Variants in C11orf24 observed in about 807,000 individuals in gnomAD.
C11orf24 encodes the protein uncharacterized protein C11orf24.
In C11orf24, 5 loss-of-function variants were observed where a neutral mutation model predicts 7.3. That is an observed-to-expected ratio of 0.69 (90% confidence interval 0.36 to 1.45). The LOEUF is 1.45. C11orf24 is among the 40% of genes most tolerant of loss of function. The pLI is 0.03. For synonymous variants in C11orf24, 233 were observed against 235.7 expected, an observed-to-expected ratio of 0.99 and a Z score of 0.11; for missense variants, 566 against 590.5, an observed-to-expected ratio of 0.96 and a Z score of 0.43.
intron 1 of C11orf24, 117 bp from the exon 2 acceptor site, chr11:68,268,368 A>G (rs537393644): frequency 6.6e-6 from 1 of 152,376 alleles, no homozygotes; most frequent in Admixed American, 6.5e-5. Flanking sequence ...TGGGAAAACG[A>G]CAACATGGAT....
At chr11:68,269,973 T>C (rs2098567084) in intron 1 of C11orf24, among the ~76,000 whole-genome samples, 1 of 152,168 alleles carries the variant, frequency 6.6e-6, no homozygotes, top group African/African-American at 2.4e-5. Context: ...GGACAAACCA[T>C]TAACAACATT....
chr11:68,270,114 T>TG (rs2098567165), intron 1 of C11orf24, among the ~76,000 whole-genome samples: 1 of 151,828 alleles, frequency 6.6e-6, no homozygotes, highest in Non-Finnish European at 1.5e-5. Context: ...CCATAATAGA[T>TG]GGGAAAAAAG....
In C11orf24 at chr11:68,262,665, C is replaced by T. The variant is rs1433617378; in HGVS notation, c.330G>A (p.Val110=). Residue 110 remains valine, a synonymous_variant, in exon 4 of 4, where the codon GTG becomes GTA. Coordinates refer to ENST00000304271, the MANE Select transcript of C11orf24 (RefSeq NM_022338.4). ...DGVTSIAPTA[V]ASSTTAASIT... ...TGGAGGCCGCAGTCGTACTGGAGGC[C>T]ACAGCCGTGGGAGCAATGGAGGTCA... 1.2e-6 allele frequency: 2 copies of T among 1,613,968 alleles called. No homozygotes were observed. The highest frequency in any genetic ancestry group is 1.7e-6 in the Non-Finnish European group (2 of 1,179,964).
At chr11:68,264,454 T>C (rs1465390343) in intron 2 of C11orf24, among the ~76,000 whole-genome samples, 6 of 61,036 alleles carry the variant, frequency 9.8e-5, no homozygotes, top group Admixed American at 1.5e-4. Flanking sequence ...ACTTACCCAC[T>C]TACCCATCTA....
intron 1 of C11orf24, chr11:68,271,586 C>T (rs2098567987): frequency 6.5e-6 from 1 of 152,968 alleles, no homozygotes; most frequent in East Asian, 1.9e-4. Flanking sequence ...CGGCCCTCCT[C>T]CCTCCTCCTG....
rs1034302490 is a variant in C11orf24, at chr11:68,263,721, G to C, written c.47C>G (p.Ser16Cys). Residue 16 changes from serine (S) to cysteine (C), a missense_variant, in exon 3 of 4, where the codon TCT becomes TGT. By Grantham distance (112) the Ser-to-Cys change is moderately radical (BLOSUM62 -1). Coordinates refer to ENST00000304271, the MANE Select transcript of C11orf24 (RefSeq NM_022338.4). ...VLIWIFSLSL[S>C]ESHAASNDPR... ...ATCGTTGGATGCCGCATGGCTTTCA[G>C]ATAAGGACAAGGAGAAAATCCAAAT... 3.7e-6 allele frequency: 6 copies of C among 1,613,526 alleles called. No homozygotes were observed. The highest frequency in any genetic ancestry group is 4.2e-6 in the Non-Finnish European group (5 of 1,179,986).
chr11:68,264,525 T>C (rs145284356), intron 2 of C11orf24, among the ~76,000 whole-genome samples: 1 of 6,256 alleles, frequency 1.6e-4, no homozygotes, highest in Non-Finnish European at 3.2e-4. Flanking sequence ...CACCCACTCA[T>C]CCATCCATCC....
rs200719170 is a variant in C11orf24 at position 68,261,643 on chromosome 11, C to T, written c.*2G>A. 6.3e-7 allele frequency: 1 copy of T among 1,597,526 alleles called. No homozygotes were observed. The highest frequency in any genetic ancestry group is 8.6e-7 in the Non-Finnish European group (1 of 1,166,544). ...AGGCCTCCCGCCAGGCCCCCGCCCC[C>T]CTCACATTTCTGAGTCCGCATACAT... On this transcript the variant is annotated 3_prime_UTR_variant, in exon 4 of 4. Transcript: ENST00000304271.
At chr11:68,263,627 A>G (rs893502922) in intron 3 of C11orf24, 65 bp downstream of exon 3, 1 of 1,479,456 alleles carries the variant, frequency 6.8e-7, no homozygotes, top group African/African-American at 1.4e-5. Context: ...TGCTGCTTTC[A>G]AGGGCTCAGC....
Position 68,263,850 on chromosome 11 carries a change from C to A in C11orf24, c.-83G>T. ...TCCTCAGGCTGCTAATGGTTCCCTC[C>A]TGCTTGGCCAAGGGATCTGTGGTCA... On this transcript the variant is annotated 5_prime_UTR_variant, in exon 3 of 4. It adds an upstream start codon to the 5' untranslated region. Coordinates refer to ENST00000304271, the MANE Select transcript of C11orf24 (RefSeq NM_022338.4). The A allele has an allele frequency of 8.2e-7, 1 of 1,213,752 alleles. No homozygotes were observed. The allele number at this position is 1,213,752 out of a possible 1,614,324, so 75.2% of individuals were successfully genotyped here.
Position 68,263,784 on chromosome 11 carries a change from G to A in C11orf24, c.-17C>T, listed in dbSNP as rs1240616235. On this transcript the variant is annotated 5_prime_UTR_variant, in exon 3 of 4. Coordinates refer to ENST00000304271, the MANE Select transcript of C11orf24 (RefSeq NM_022338.4). ...TGTCCACATCTTGTGGGTGAGCTGG[G>A]AGCAAGGCTGGGCGGTCCCCGAGGC... 1 of 1,609,758 alleles carries A rather than the reference G, an allele frequency of 6.2e-7. No homozygotes were observed. The highest frequency in any genetic ancestry group is 8.5e-7 in the Non-Finnish European group (1 of 1,178,552).
In C11orf24 at chr11:68,262,745, T is replaced by C. The variant is rs1445102815; in HGVS notation, c.250A>G (p.Thr84Ala). 1 of 1,614,192 alleles carries C rather than the reference T, an allele frequency of 6.2e-7. No individual in the cohort carries two copies. Among genetic ancestry groups the C allele is most frequent in the Non-Finnish European group, 8.5e-7 (1 of 1,180,034 alleles). Residue 84 changes from threonine (T) to alanine (A), a missense_variant, in exon 4 of 4, where the codon ACA becomes GCA. Physicochemically the swap from Thr to Ala is moderately conservative, Grantham distance 58 (BLOSUM62 0). Coordinates refer to ENST00000304271, the MANE Select transcript of C11orf24 (RefSeq NM_022338.4). ...GGTTCACTCACATCTGTCCTGCTTGTGTCCTCTGTTGTGACTTCCATAGAG... is the reference window on the plus strand; with the variant it reads ...GGTTCACTCACATCTGTCCTGCTTGCGTCCTCTGTTGTGACTTCCATAGAG... ...LNSMEVTTED[T>A]SRTDVSEPAT...
At chr11:68,263,519 C>T (rs2098563012) in intron 3 of C11orf24, 173 bp downstream of exon 3, 6 of 606,342 alleles carry the variant, frequency 9.9e-6, no homozygotes, top group Non-Finnish European at 1.7e-5. Flanking sequence ...GCTCTTTGCC[C>T]ACCATGGCCC....
intron 2 of C11orf24, among the ~76,000 whole-genome samples, chr11:68,265,279 A>G (rs2098564521): frequency 6.6e-6 from 1 of 152,088 alleles, no homozygotes; most frequent in Non-Finnish European, 1.5e-5. Flanking sequence ...CTTAGACAAG[A>G]ACAGAAAGGT....
chr11:68,261,346 A>G lies in C11orf24; in HGVS notation c.*299T>C, dbSNP rs1176477897. ...ATGCACCCACACGATTGTGGCGAGC[A>G]GTCAGTACTTTAATTCAGGTCAGGC... On this transcript the variant is annotated 3_prime_UTR_variant, in exon 4 of 4. Transcript: ENST00000304271. 2.8e-6 allele frequency: 1 copy of G among 355,450 alleles called. No individual in the cohort carries two copies. Among genetic ancestry groups the G allele is most frequent in the African/African-American group, 2.1e-5 (1 of 48,462 alleles). 22.0% of individuals were successfully genotyped at this position (355,450 alleles called of 1,614,324 possible).
Position 68,261,834 on chromosome 11 carries a change from G to T in C11orf24, c.1161C>A (p.Val387=). Reference sequence around the variant, plus strand: ...CGGCCTGGGTGAGGGGCTCAGTGGTGACCACCATGTACTGGCCTTGGGTGC... The same window carrying T: ...CGGCCTGGGTGAGGGGCTCAGTGGTTACCACCATGTACTGGCCTTGGGTGC... The part of the protein sequence containing the change: ...QPSTQGQYMV[V]TTEPLTQAVV... The change falls in exon 4 of 4, where the codon GTC becomes GTA. Residue 387 remains valine (V), a synonymous_variant. Transcript: ENST00000304271. The T allele has an allele frequency of 6.2e-7, 1 of 1,614,162 alleles. No homozygotes were observed.
chr11:68,262,258 A>G lies in C11orf24; in HGVS notation c.737T>C (p.Val246Ala). 6.2e-7 allele frequency: 1 copy of G among 1,613,454 alleles called. No individual in the cohort carries two copies. The highest frequency in any genetic ancestry group is 8.5e-7 in the Non-Finnish European group (1 of 1,179,476). Residue 246 changes from valine (V) to alanine (A), a missense_variant, in exon 4 of 4, where the codon GTA (valine) becomes GCA (alanine). Coordinates refer to ENST00000304271, the MANE Select transcript of C11orf24 (RefSeq NM_022338.4). ...TTGTGCTTGGGGACGCATAGGGGGT[A>G]CAGGGCTTGCCGCGGTGTCACTGGG... Reference protein sequence around the residue: ...HMPSDTAASPVPPMRPQAQGP... With the variant: ...HMPSDTAASPAPPMRPQAQGP...
chr11:68,261,449 T>C lies in C11orf24; in HGVS notation c.*196A>G, dbSNP rs2098561536. 1 of 577,874 alleles carries C rather than the reference T, an allele frequency of 1.7e-6. No homozygotes were observed. The highest frequency in any genetic ancestry group is 2.4e-5 in the South Asian group (1 of 41,534). 35.8% of individuals were successfully genotyped at this position (577,874 alleles called of 1,614,324 possible). A position where few individuals can be genotyped will look rare whatever the true frequency, so the allele number is the denominator to read the frequency against. On this transcript the variant is annotated 3_prime_UTR_variant, in exon 4 of 4. Transcript: ENST00000304271. The stretch of plus-strand genomic sequence containing the variant: ...CCAGCTGCTCCTGGGCACAGAATCA[T>C]TTACAAAAATAAATATGAAAAAAGC...
rs2098562078 is a variant in C11orf24 at position 68,262,116 on chromosome 11, G to A, written c.879C>T (p.Thr293=). The part of the protein sequence containing the change: ...EPAPTPTVVT[T]TKAQAREPTA... ...TTGGCTCCCTGGCTTGTGCCTTGGT[G>A]GTGGTCACCACTGTGGGGGTGGGGG... Residue 293 remains threonine, a synonymous_variant, in exon 4 of 4, where the codon ACC becomes ACT. Transcript: ENST00000304271. 1 of 1,613,936 alleles carries A rather than the reference G, an allele frequency of 6.2e-7. No individual in the cohort carries two copies. The highest frequency in any genetic ancestry group is 1.1e-5 in the South Asian group (1 of 91,090).
Sources: gnomAD v4.1 joint callset for allele counts (sites outside exome capture counted in the v4.1 genomes callset) on GRCh38, gnomAD v4.1.1 for gene constraint, MANE v1.5 for transcripts, NCBI Gene and HGNC (gene_info 2026-07-23, HGNC 2026-07-21) for gene names.